Variants in SS18 observed in about 807,000 individuals in gnomAD.
SS18 encodes protein SSXT.
A neutral mutation model predicts 72.5 loss-of-function variants in SS18; 28 were observed. The ratio of observed to expected loss-of-function variants is 0.39; its 90% confidence interval spans 0.29 to 0.53. The LOEUF (loss-of-function observed/expected upper bound fraction) is 0.53, where lower values mean the gene tolerates loss of function less well. Ranked by LOEUF, SS18 falls within the 20% of genes least tolerant of loss-of-function variation. The pLI is 0.76. For synonymous variants in SS18, 172 were observed against 164.2 expected, an observed-to-expected ratio of 1.05 and a Z score of -0.37; for missense variants, 518 against 535.3, an observed-to-expected ratio of 0.97 and a Z score of 0.32.
chr18:26,017,451 T>A lies in SS18; in HGVS notation c.*903A>T. 5.2e-6 allele frequency: 1 copy of A among 193,200 alleles called. No individual in the cohort carries two copies. Among genetic ancestry groups the A allele is most frequent in the East Asian group, 8.3e-5 (1 of 12,068 alleles). 12.0% of individuals were successfully genotyped at this position (193,200 alleles called of 1,614,324 possible). ...ATTTATAAAATGCTTTGATATTACT[T>A]ACTAAGTTCCCTGATAACTCAAACA... On this transcript the variant is annotated 3_prime_UTR_variant, in exon 11 of 11. Transcript: ENST00000415083.
In SS18 at chr18:26,039,285, T is replaced by C. The variant is rs1259856254; in HGVS notation, c.775+4A>G. 2 of 1,600,282 alleles carry C rather than the reference T, an allele frequency of 1.2e-6. No homozygotes were observed. Among genetic ancestry groups the C allele is most frequent in the African/African-American group, 2.7e-5 (2 of 74,672 alleles). ...AGTAGCAAATTTTCCAAATGGAATC[T>C]TACCCTGTTGAGGAGGTCTATAGGG... On this transcript the variant is annotated splice_donor_region_variant and intron_variant, in intron 6 of 10. Transcript: ENST00000415083.
At chr18:26,082,228 G>T in intron 2 of SS18, 1 of 217,066 alleles carries the variant, frequency 4.6e-6, no homozygotes. Flanking sequence ...TATTAAAAGA[G>T]CCAGTTCACC....
At chr18:26,051,084 C>T (rs2053914512) in intron 5 of SS18, among the ~76,000 whole-genome samples, 1 of 151,954 alleles carries the variant, frequency 6.6e-6, no homozygotes. Context: ...TGCCTGTAAT[C>T]CCAGGACTTT....
At chr18:26,018,425 T>C (rs904402026) in intron 10 of SS18, 45 bp from the exon 11 acceptor site, 2 of 1,364,868 alleles carry the variant, frequency 1.5e-6, no homozygotes, top group Admixed American at 3.7e-5. Flanking sequence ...AGTTTGACCA[T>C]AACAGGCAAA....
At chr18:26,069,521 A>G (rs937073386) in intron 3 of SS18, among the ~76,000 whole-genome samples, 40 of 150,524 alleles carry the variant, frequency 2.7e-4, no homozygotes, top group East Asian at 5.8e-4. Flanking sequence ...AAAAAAAAAA[A>G]AAAAAGAAAA....
chr18:26,058,191 G>A (rs2054059118), intron 3 of SS18, among the ~76,000 whole-genome samples: 1 of 152,188 alleles, frequency 6.6e-6, no homozygotes, highest in South Asian at 2.1e-4. Context: ...GAGGATAGTG[G>A]CAGCAGAGGA....
chr18:26,044,051 A>G (rs1474073759), intron 5 of SS18, among the ~76,000 whole-genome samples: 2 of 152,170 alleles, frequency 1.3e-5, no homozygotes, highest in Non-Finnish European at 2.9e-5. Flanking sequence ...CCCTCAGGGG[A>G]CACTTACAGC....
intron 2 of SS18, chr18:26,082,306 T>C: frequency 1.2e-6 from 1 of 833,890 alleles, no homozygotes; most frequent in Non-Finnish European, 1.4e-6. Context: ...ACTCTATTTG[T>C]TGACATAATT....
chr18:26,023,385 T>C (rs73944439), intron 10 of SS18, among the ~76,000 whole-genome samples: 3,076 of 152,150 alleles, frequency 0.02, 91 homozygotes, highest in African/African-American at 0.07. Context: ...ATAAGAAACA[T>C]GAAGAAATCA....
At chr18:26,069,379 A>G (rs1352440973) in intron 3 of SS18, among the ~76,000 whole-genome samples, 1 of 151,992 alleles carries the variant, frequency 6.6e-6, no homozygotes, top group African/African-American at 2.4e-5. Context: ...TGAAATTCTC[A>G]AAATGTCATT....
intron 5 of SS18, among the ~76,000 whole-genome samples, chr18:26,040,253 G>C (rs192372493): frequency 1.3e-5 from 2 of 152,158 alleles, no homozygotes; most frequent in Non-Finnish European, 2.9e-5. Context: ...TATCACACTG[G>C]CAACAGTAAA....
chr18:26,054,371 A>C lies in SS18; in HGVS notation c.386-1526T>G, dbSNP rs1170034272. On this transcript the variant is annotated intron_variant, in intron 4 of 10. Transcript: ENST00000415083. ...CCTTTAACCCAGCAATTTCAGTTCC[A>C]GGAATTTATGCTAGAGATATACAAA... 2.0e-5 allele frequency among the ~76,000 whole-genome samples: 3 copies of C among 152,210 alleles called. No homozygotes were observed. In the East Asian group the frequency reaches 5.8e-4, roughly 29 times the overall value.
chr18:26,082,608 T>G (rs905026380), intron 2 of SS18: 2 of 668,752 alleles, frequency 3.0e-6, no homozygotes, highest in Admixed American at 6.3e-5. Flanking sequence ...TCACAGTGAA[T>G]CAGTAACACA....
intron 10 of SS18, among the ~76,000 whole-genome samples, chr18:26,020,253 A>G (rs765443409): frequency 1.4e-4 from 21 of 152,268 alleles, no homozygotes; most frequent in Non-Finnish European, 2.6e-4. Flanking sequence ...AGTAACATAT[A>G]TATCTCTGGA....
intron 3 of SS18, chr18:26,064,878 T>A (rs2054185034): frequency 6.6e-6 from 1 of 152,030 alleles, no homozygotes; most frequent in African/African-American, 2.4e-5. Flanking sequence ...GAACCTATAA[T>A]AAACCATTAG....
intron 2 of SS18, among the ~76,000 whole-genome samples, chr18:26,086,613 T>C (rs1189895170): frequency 6.6e-6 from 1 of 152,238 alleles, no homozygotes; most frequent in African/African-American, 2.4e-5. Context: ...ACAGTGCTGT[T>C]CTATTCTAAT....
At chr18:26,077,663 T>C (rs1406107242) in intron 3 of SS18, among the ~76,000 whole-genome samples, 2 of 152,114 alleles carry the variant, frequency 1.3e-5, no homozygotes, top group Non-Finnish European at 2.9e-5. Context: ...TGAAAATAAA[T>C]TGAATATTGT....
In SS18 at chr18:26,038,545, G is replaced by A. The variant is rs769045094; in HGVS notation, c.880+10C>T. On this transcript the variant is annotated intron_variant, in intron 7 of 10. Transcript: ENST00000415083. The stretch of plus-strand genomic sequence containing the variant: ...TAGAAAATGGGAAAGTTAACATCAG[G>A]AGAGATTACCATCAGGGTAATATTG... The A allele has an allele frequency of 2.4e-5, 38 of 1,607,162 alleles. No homozygotes were observed. The Middle Eastern group carries it at 9.9e-4, about 42-fold the overall frequency.
chr18:26,024,750 A>G (rs954400321), intron 10 of SS18, among the ~76,000 whole-genome samples: 1 of 152,188 alleles, frequency 6.6e-6, no homozygotes, highest in African/African-American at 2.4e-5. Context: ...GCAGAAAAAG[A>G]GGAAAAGGAG....
Sources: gnomAD v4.1 joint callset for allele counts (sites outside exome capture counted in the v4.1 genomes callset) on GRCh38, gnomAD v4.1.1 for gene constraint, MANE v1.5 for transcripts, NCBI Gene and HGNC (gene_info 2026-07-23, HGNC 2026-07-21) for gene names.